DTHD1: variants seen among roughly 807,000 people sequenced by gnomAD.
DTHD1 encodes the protein death domain containing 1.
DTHD1 carries 59 observed loss-of-function variants against 74.8 expected under a neutral mutation model. The ratio of observed to expected loss-of-function variants is 0.79; its 90% CI spans 0.64 to 0.98. The LOEUF is 0.98. Ranked by LOEUF, DTHD1 falls within the 50% of genes least tolerant of loss-of-function variation. The pLI, the probability that DTHD1 is intolerant of heterozygous loss-of-function variation, is 0.00. For missense variants in DTHD1, 1,051 were observed against 1,065.4 expected (o/e 0.99, Z 0.19); for synonymous variants, 365 against 371.1 (o/e 0.98, Z 0.19).
At chr4:36,300,352 G>A (rs759262948) in intron 5 of DTHD1, among the ~76,000 whole-genome samples, 2 of 152,162 alleles carry the variant, frequency 1.3e-5, no homozygotes, top group East Asian at 1.9e-4. Context: ...ACATGGCTGT[G>A]ATCCCAAGGA....
chr4:36,308,525 A>G, intron 7 of DTHD1, 32 bp downstream of exon 7: 1 of 1,501,646 alleles, frequency 6.7e-7, no homozygotes, highest in Non-Finnish European at 8.9e-7. Context: ...TATATATTTT[A>G]TTGGCTATAA....
In DTHD1 at chr4:36,284,077, G is replaced by A. The variant is rs1461144203; in HGVS notation, c.373G>A (p.Gly125Ser). ...AGAAAAGGAGATTTGTAATTTATGC[G>A]GCATGCATGATGAATGTACTCCACA... The part of the protein sequence containing the change: ...KEEKEICNLC[G>S]MHDECTPQQT... Residue 125 changes from glycine to serine, a missense_variant, in exon 2 of 10, where the codon GGC becomes AGC. Physicochemically the swap from Gly to Ser is moderately conservative, Grantham distance 56. Transcript: ENST00000639862. 92 of 1,537,138 alleles carry A rather than the reference G, an allele frequency of 6.0e-5. No homozygotes were observed. The highest frequency in any genetic ancestry group is 2.5e-4 in the South Asian group (21 of 84,060).
chr4:36,285,128 T>A (rs557480968), intron 2 of DTHD1, among the ~76,000 whole-genome samples: 1 of 152,332 alleles, frequency 6.6e-6, no homozygotes, highest in African/African-American at 2.4e-5. Flanking sequence ...TTAATATTGT[T>A]TATTTCTTAT....
At chr4:36,336,979 G>T (rs575991770) in intron 8 of DTHD1, among the ~76,000 whole-genome samples, 71 of 152,242 alleles carry the variant, frequency 4.7e-4, no homozygotes, top group Non-Finnish European at 7.6e-4. Context: ...GGGGGGAAAT[G>T]AGAGCTGTTT....
intron 5 of DTHD1, among the ~76,000 whole-genome samples, chr4:36,300,290 C>G (rs1011216330): frequency 1.3e-5 from 2 of 152,162 alleles, no homozygotes; most frequent in African/African-American, 4.8e-5. Context: ...TTACCTGGGG[C>G]TACATTAGCC....
At chr4:36,292,218 G>T (rs745986594) in intron 3 of DTHD1, among the ~76,000 whole-genome samples, 61 of 152,226 alleles carry the variant, frequency 4.0e-4, no homozygotes, top group Non-Finnish European at 2.5e-4. Context: ...GCCAGTCTGT[G>T]TAACTATCAC....
At chr4:36,301,844 G>A (rs774854964) in intron 5 of DTHD1, among the ~76,000 whole-genome samples, 1 of 151,912 alleles carries the variant, frequency 6.6e-6, no homozygotes, top group African/African-American at 2.4e-5. Context: ...GTTTCTGTTG[G>A]GTTTAAGTGG....
At chr4:36,305,440 T>C (rs1455740531) in intron 5 of DTHD1, among the ~76,000 whole-genome samples, 1 of 152,154 alleles carries the variant, frequency 6.6e-6, no homozygotes, top group East Asian at 1.9e-4. Flanking sequence ...TCGTATCTCA[T>C]GAGACTTATT....
At chr4:36,293,492 T>G (rs1206308950) in intron 3 of DTHD1, 34 bp from the exon 4 acceptor site, 1 of 1,460,572 alleles carries the variant, frequency 6.8e-7, no homozygotes, top group Non-Finnish European at 9.1e-7. Context: ...AAATCAGTGC[T>G]ATAGCTTATT....
chr4:36,305,183 G>A (rs1236050615), intron 5 of DTHD1, among the ~76,000 whole-genome samples: 1 of 152,192 alleles, frequency 6.6e-6, no homozygotes, highest in Admixed American at 6.5e-5. Flanking sequence ...ACAATTATAA[G>A]TGCTTTAGAA....
At chr4:36,308,147 AG>A (rs1757164598) in intron 6 of DTHD1, 56 bp from the exon 7 acceptor site, 1 of 1,453,408 alleles carries the variant, frequency 6.9e-7, no homozygotes, top group African/African-American at 1.4e-5. Context: ...ATTAGATATC[AG>A]TGATGTTCTT....
intron 8 of DTHD1, among the ~76,000 whole-genome samples, chr4:36,336,852 G>A (rs1256265859): frequency 2.0e-5 from 3 of 152,216 alleles, no homozygotes; most frequent in Non-Finnish European, 4.4e-5. Flanking sequence ...GGGATACTCA[G>A]TTACAGAGTT....
chr4:36,339,649 G>A lies in DTHD1; in HGVS notation c.2398+480G>A, dbSNP rs117406770. Among the ~76,000 whole-genome samples the A allele has an allele frequency of 1.6e-4, 24 of 152,230 alleles. No individual in the cohort carries two copies. In the East Asian group the frequency reaches 4.4e-3, roughly 28 times the overall value. ...TACATAACAATGCTACAGATTTCAG[G>A]GTAGAATTGGAAACTTTTATTCTAT... On this transcript the variant is annotated intron_variant, in intron 9 of 9. Transcript: ENST00000639862.
At chr4:36,292,813 T>C (rs2109459361) in intron 3 of DTHD1, among the ~76,000 whole-genome samples, 1 of 152,384 alleles carries the variant, frequency 6.6e-6, no homozygotes. Flanking sequence ...TACTTCTAAG[T>C]CTGCCTCCTC....
chr4:36,312,560 G>C (rs926965008), intron 7 of DTHD1, among the ~76,000 whole-genome samples: 1 of 149,344 alleles, frequency 6.7e-6, no homozygotes, highest in African/African-American at 2.5e-5. Flanking sequence ...TTATCTCAGG[G>C]AAGACCTTTC....
intron 9 of DTHD1, among the ~76,000 whole-genome samples, chr4:36,340,482 G>A (rs1053349393): frequency 9.2e-5 from 14 of 152,112 alleles, no homozygotes; most frequent in African/African-American, 3.4e-4. Context: ...TGGGTGCAGG[G>A]GATAAGAAAT....
intron 8 of DTHD1, among the ~76,000 whole-genome samples, chr4:36,334,361 T>G (rs1426306073): frequency 2.0e-3 from 25 of 12,434 alleles, no homozygotes; most frequent in African/African-American, 4.5e-3. Flanking sequence ...TTTTTTGGTT[T>G]TTTTTTTTTT....
At chr4:36,326,802 G>A (rs1355846048) in intron 8 of DTHD1, among the ~76,000 whole-genome samples, 1 of 152,182 alleles carries the variant, frequency 6.6e-6, no homozygotes, top group Non-Finnish European at 1.5e-5. Context: ...TTAAAGGAAT[G>A]ACTAATAGGA....
At chr4:36,308,085 A>C (rs958494126) in intron 6 of DTHD1, 119 bp from the exon 7 acceptor site, 3 of 1,002,780 alleles carry the variant, frequency 3.0e-6, no homozygotes, top group Admixed American at 5.9e-5. Context: ...TGTCTTTGAG[A>C]ATACTTGATT....
Sources: allele counts gnomAD v4.1 joint callset (sites outside exome capture counted in the v4.1 genomes callset), GRCh38; gene constraint gnomAD v4.1.1; transcripts MANE v1.5; gene names NCBI Gene and HGNC (gene_info 2026-07-23, HGNC 2026-07-21).